LCORL: variants seen among roughly 807,000 people sequenced by gnomAD.
The protein encoded by LCORL is ligand dependent nuclear receptor corepressor like, also known as ligand-dependent nuclear receptor corepressor-like protein.
LCORL carries 41 observed loss-of-function variants against 141.8 expected under a neutral mutation model. That is an observed-to-expected ratio of 0.29 (90% CI 0.23 to 0.38). The LOEUF (loss-of-function observed/expected upper bound fraction) is 0.38, where lower values mean the gene tolerates loss of function less well. LCORL is among the 10% of genes least tolerant of loss of function. The probability of loss-of-function intolerance (pLI) is 1.00; values close to 1 mark genes in which losing one functional copy is unlikely to be tolerated. For synonymous variants in LCORL, 618 were observed against 694.1 expected, an observed-to-expected ratio of 0.89 and a Z score of 1.72; for missense variants, 1,759 against 2,035.0, an observed-to-expected ratio of 0.86 and a Z score of 2.61.
intron 4 of LCORL, among the ~76,000 whole-genome samples, chr4:17,934,044 C>CT (rs1361829765): frequency 6.6e-6 from 1 of 151,950 alleles, no homozygotes; most frequent in Non-Finnish European, 1.5e-5. Flanking sequence ...AAGACTCTTC[C>CT]TTTTTATTTC....
intron 5 of LCORL, among the ~76,000 whole-genome samples, chr4:17,904,040 C>A (rs1461725572): frequency 1.3e-5 from 2 of 151,792 alleles, no homozygotes; most frequent in African/African-American, 4.8e-5. Flanking sequence ...TAAAGTAAAA[C>A]GCTGTTGCAG....
rs1453321403 is a variant in LCORL, at chr4:17,912,072, C to G, written c.431-2727G>C. 46 of 712,472 alleles carry G rather than the reference C, an allele frequency of 6.5e-5. 1 individual carries two copies. The Admixed American group carries it at 8.1e-4, about 12-fold the overall frequency. The allele number at this position is 712,472 out of a possible 1,614,324, so 44.1% of individuals were successfully genotyped here. A position where few individuals can be genotyped will look rare whatever the true frequency, so the allele number is the denominator to read the frequency against. On this transcript the variant is annotated intron_variant, in intron 4 of 7. Transcript: ENST00000635767. ...AGAAGAAGGGACCCCAGGTCAGAGA[C>G]TGGAGCCATTACTTCAAGACCACCA...
At chr4:17,961,864 C>T (rs1228382049) in intron 4 of LCORL, 39 bp downstream of exon 4, 1 of 1,576,750 alleles carries the variant, frequency 6.3e-7, no homozygotes, top group Non-Finnish European at 8.6e-7. Flanking sequence ...TTTTACATCT[C>T]TATTGCAAAT....
At chr4:18,002,313 A>C (rs1722106681) in intron 1 of LCORL, among the ~76,000 whole-genome samples, 1 of 152,170 alleles carries the variant, frequency 6.6e-6, no homozygotes, top group Non-Finnish European at 1.5e-5. Context: ...CCAAGACATA[A>C]ACAATGCTTT....
chr4:17,943,187 C>G (rs1163650809), intron 4 of LCORL, among the ~76,000 whole-genome samples: 5 of 152,108 alleles, frequency 3.3e-5, no homozygotes, highest in African/African-American at 4.8e-5. Flanking sequence ...ATATATTATT[C>G]TCCCTATTGT....
chr4:17,936,590 C>G (rs1736901084), intron 4 of LCORL, among the ~76,000 whole-genome samples: 1 of 152,076 alleles, frequency 6.6e-6, no homozygotes, highest in Non-Finnish European at 1.5e-5. Context: ...GTTCAGATAG[C>G]AATGGATATT....
intron 5 of LCORL, chr4:17,893,361 T>C (rs1489723420): frequency 1.1e-5 from 10 of 949,014 alleles, no homozygotes; most frequent in East Asian, 2.3e-4. Flanking sequence ...TTCCATACTA[T>C]TGAGCTAAGT....
intron 2 of LCORL, among the ~76,000 whole-genome samples, chr4:17,966,615 T>C (rs540490656): frequency 5.9e-5 from 9 of 152,254 alleles, no homozygotes; most frequent in South Asian, 4.1e-4. Context: ...GAATCCATCA[T>C]TGTCCAAATA....
intron 5 of LCORL, 102 bp downstream of exon 5, chr4:17,908,992 T>A: frequency 9.2e-7 from 1 of 1,084,558 alleles, no homozygotes; most frequent in East Asian, 2.7e-5. Context: ...AAAGTCATAT[T>A]ACATCCAAAA....
At chr4:17,851,110 A>C (rs1429840875) in intron 7 of LCORL, among the ~76,000 whole-genome samples, 6 of 125,318 alleles carry the variant, frequency 4.8e-5, no homozygotes, top group Non-Finnish European at 1.6e-5. Context: ...GGGGAACATC[A>C]CACTCTGGGG....
chr4:17,957,953 A>G lies in LCORL; in HGVS notation c.430+3950T>C, dbSNP rs115723374. Among the ~76,000 whole-genome samples the G allele has an allele frequency of 5.7e-3, 866 of 152,068 alleles. 9 individuals are homozygous for G. Among genetic ancestry groups the G allele is most frequent in the African/African-American group, 0.02 (831 of 41,540 alleles). ...ATCAAGGATGTCTGCATTTAGAGAA[A>G]AGCACTCTAAAAGATTAACACTACC... On this transcript the variant is annotated intron_variant, in intron 4 of 7. Coordinates refer to ENST00000635767, the Ensembl canonical transcript of LCORL.
intron 1 of LCORL, among the ~76,000 whole-genome samples, chr4:17,995,595 C>CA (rs1720789378): frequency 6.6e-6 from 1 of 152,022 alleles, no homozygotes; most frequent in African/African-American, 2.4e-5. Flanking sequence ...AAGTAGAAAC[C>CA]AAACTAGTCA....
At chr4:18,017,099 G>C (rs942653923) in intron 1 of LCORL, among the ~76,000 whole-genome samples, 1 of 152,062 alleles carries the variant, frequency 6.6e-6, no homozygotes, top group African/African-American at 2.4e-5. Context: ...AGCTTGATGA[G>C]ACACCCATTG....
exon 8 of LCORL, chr4:17,842,400 A>G: frequency 1.9e-6 from 3 of 1,595,596 alleles, no homozygotes; most frequent in Non-Finnish European, 2.6e-6. Flanking sequence ...CATGTCTAGA[A>G]TATATGGAGG....
chr4:17,927,325 C>G, intron 4 of LCORL, among the ~76,000 whole-genome samples: 1 of 152,214 alleles, frequency 6.6e-6, no homozygotes, highest in Non-Finnish European at 1.5e-5. Flanking sequence ...CCGGTTTGGT[C>G]TTCTACCCAA....
chr4:17,936,465 G>A (rs1340609016), intron 4 of LCORL, among the ~76,000 whole-genome samples: 1 of 151,744 alleles, frequency 6.6e-6, no homozygotes, highest in South Asian at 2.1e-4. Context: ...CCATCTTCCA[G>A]ATCAGTATTT....
At chr4:17,931,550 C>A (rs1437052635) in intron 4 of LCORL, among the ~76,000 whole-genome samples, 1 of 151,906 alleles carries the variant, frequency 6.6e-6, no homozygotes, top group East Asian at 1.9e-4. Context: ...AATTCTGCAA[C>A]TTTGCTTTCT....
At chr4:17,926,934 G>T (rs1735245645) in intron 4 of LCORL, among the ~76,000 whole-genome samples, 1 of 152,240 alleles carries the variant, frequency 6.6e-6, no homozygotes, top group African/African-American at 2.4e-5. Flanking sequence ...GCCATAACCA[G>T]AGAGTAAGCC....
exon 8 of LCORL, chr4:17,845,757 T>C: frequency 6.2e-7 from 1 of 1,612,746 alleles, no homozygotes; most frequent in Non-Finnish European, 8.5e-7. Flanking sequence ...GGTTATGAAC[T>C]GTACAGCTCG....
Sources: gnomAD v4.1 joint callset for allele counts (sites outside exome capture counted in the v4.1 genomes callset) on GRCh38, gnomAD v4.1.1 for gene constraint, MANE v1.5 for transcripts, NCBI Gene and HGNC (gene_info 2026-07-23, HGNC 2026-07-21) for gene names.